The following KIRREL1 variants were observed in gnomAD, a reference collection of about 807,000 sequenced individuals.
The protein encoded by KIRREL1 is kirre like nephrin family adhesion molecule 1.
KIRREL1 carries 25 observed loss-of-function variants against 83.3 expected under a neutral mutation model. The observed-to-expected ratio is 0.30, with a 90% CI of 0.22 to 0.42. KIRREL1 has a LOEUF of 0.42. Ranked by LOEUF, KIRREL1 falls within the 10% of genes least tolerant of loss-of-function variation. The pLI is 1.00. For synonymous variants in KIRREL1, 388 were observed against 410.4 expected (o/e 0.95, Z 0.66); for missense variants, 812 against 1,032.3 (o/e 0.79, Z 2.92).
chr1:158,016,842 T>C (rs1036642064), intron 1 of KIRREL1, among the ~76,000 whole-genome samples: 1 of 152,178 alleles, frequency 6.6e-6, no homozygotes, highest in African/African-American at 2.4e-5. Context: ...GGAAAGACAA[T>C]AGGGTAAGAC....
chr1:158,019,061 C>T (rs1166117623), intron 1 of KIRREL1, among the ~76,000 whole-genome samples: 2 of 152,166 alleles, frequency 1.3e-5, no homozygotes, highest in Non-Finnish European at 2.9e-5. Flanking sequence ...AGAGCCTCCA[C>T]TCTGCCCTCT....
chr1:158,079,463 G>A (rs866871438), intron 3 of KIRREL1, among the ~76,000 whole-genome samples: 1 of 152,184 alleles, frequency 6.6e-6, no homozygotes, highest in Non-Finnish European at 1.5e-5. Context: ...GAGATTACAG[G>A]TGCCCGCCAC....
rs537340499 is a variant in KIRREL1 at position 158,096,106 on chromosome 1, C to G, written c.*986C>G. ...GGGAAGAAAAGCTGTAGGGATTCCC[C>G]CACCCAAATACAAGTCCCAGTGGAA... On this transcript the variant is annotated 3_prime_UTR_variant, in exon 15 of 15. Transcript: ENST00000359209. 3 of 155,912 alleles carry G rather than the reference C, an allele frequency of 1.9e-5. No individual in the cohort carries two copies. Among genetic ancestry groups the G allele is most frequent in the Non-Finnish European group, 2.8e-5 (2 of 70,368 alleles). The allele number at this position is 155,912 out of a possible 1,614,324, so 9.7% of individuals were successfully genotyped here. A position where few individuals can be genotyped will look rare whatever the true frequency, so the allele number is the denominator to read the frequency against.
intron 1 of KIRREL1, among the ~76,000 whole-genome samples, chr1:157,996,821 T>C (rs1230157913): frequency 9.2e-5 from 14 of 152,164 alleles, no homozygotes; most frequent in Admixed American, 9.2e-4. Flanking sequence ...TGCCTTCTAC[T>C]CACTTAGACC....
At chr1:158,060,828 G>A (rs1661196502) in intron 1 of KIRREL1, among the ~76,000 whole-genome samples, 1 of 152,186 alleles carries the variant, frequency 6.6e-6, no homozygotes, top group Admixed American at 6.5e-5. Context: ...ATTCCAGGGT[G>A]AAACAGCATG....
rs750930254 is a variant in KIRREL1 at position 158,034,458 on chromosome 1, G to A, written c.52+40730G>A. Among the ~76,000 whole-genome samples the A allele has an allele frequency of 4.9e-4, 75 of 152,054 alleles. 1 individual carries two copies. The highest frequency in any genetic ancestry group is 5.2e-4 in the Admixed American group (8 of 15,262). On this transcript the variant is annotated intron_variant, in intron 1 of 14. Coordinates refer to ENST00000359209, the MANE Select transcript of KIRREL1 (RefSeq NM_018240.7). ...ATAGGATTCTGAGCATGACCAAAAT[G>A]GAAGGGTGTTGTTTTCTAGTCTCTG...
intron 1 of KIRREL1, among the ~76,000 whole-genome samples, chr1:158,035,222 T>C (rs1206363594): frequency 6.6e-6 from 1 of 152,202 alleles, no homozygotes; most frequent in Admixed American, 6.5e-5. Context: ...TTCTTTTATC[T>C]TTTGGAAGGA....
chr1:158,072,781 T>TATG (rs919201739), intron 1 of KIRREL1, among the ~76,000 whole-genome samples: 25 of 151,858 alleles, frequency 1.6e-4, no homozygotes, highest in Admixed American at 3.9e-4. Context: ...AGTTCTGACA[T>TATG]GTGGTGGCGA....
chr1:158,057,073 G>A (rs1342214302), intron 1 of KIRREL1, among the ~76,000 whole-genome samples: 2 of 152,122 alleles, frequency 1.3e-5, no homozygotes, highest in Admixed American at 1.3e-4. Context: ...CTAATGAAGT[G>A]CCTGTTGTGT....
intron 1 of KIRREL1, among the ~76,000 whole-genome samples, chr1:158,039,049 T>C (rs1304558371): frequency 1.3e-5 from 2 of 152,182 alleles, no homozygotes; most frequent in Non-Finnish European, 2.9e-5. Flanking sequence ...GCTGACCACA[T>C]GCTGGGCACG....
intron 1 of KIRREL1, among the ~76,000 whole-genome samples, chr1:158,001,160 A>C (rs547953673): frequency 6.6e-6 from 1 of 152,288 alleles, no homozygotes; most frequent in South Asian, 2.1e-4. Context: ...AGTCTGAGGA[A>C]TATATCTTCA....
At position 158,094,207 on chromosome 1, in the gene KIRREL1, A is replaced by G; in HGVS notation, c.1720-106A>G. 1.1e-6 allele frequency: 1 copy of G among 946,866 alleles called. No individual in the cohort carries two copies. The highest frequency in any genetic ancestry group is 1.7e-6 in the Non-Finnish European group (1 of 596,982). The allele number at this position is 946,866 out of a possible 1,614,324, so 58.7% of individuals were successfully genotyped here. A position where few individuals can be genotyped will look rare whatever the true frequency, so the allele number is the denominator to read the frequency against. ...AGAACTCAAGTCTGCCCTTGACCTC[A>G]GACCCCACCCATGAGCAGGTGGCCT... On this transcript the variant is annotated intron_variant, in intron 13 of 14. Transcript: ENST00000359209. This position sits in a 1 kb window ranked among gnomAD's most constrained non-coding sequence, Gnocchi z 4.6.
chr1:158,012,239 G>A (rs1659709438), intron 1 of KIRREL1, among the ~76,000 whole-genome samples: 1 of 152,110 alleles, frequency 6.6e-6, no homozygotes, highest in South Asian at 2.1e-4. Context: ...TGGGGCCTTG[G>A]TTTATTCAGT....
intron 1 of KIRREL1, among the ~76,000 whole-genome samples, chr1:158,012,126 G>C (rs191189204): frequency 1.3e-5 from 2 of 152,108 alleles, no homozygotes; most frequent in Non-Finnish European, 2.9e-5. Flanking sequence ...TAGAGCTTGA[G>C]GGTAGATTAG....
intron 1 of KIRREL1, among the ~76,000 whole-genome samples, chr1:158,052,793 AAGAG>A (rs559715620): frequency 1.3e-5 from 2 of 152,126 alleles, no homozygotes; most frequent in South Asian, 4.1e-4. Context: ...TTCAAAAAAA[AAGAG>A]AGAGAGATTT....
intron 1 of KIRREL1, among the ~76,000 whole-genome samples, chr1:158,060,888 G>A (rs994498466): frequency 7.9e-5 from 12 of 152,126 alleles, no homozygotes; most frequent in Non-Finnish European, 1.5e-4. Flanking sequence ...TTAGGGGGTG[G>A]CTGGATGAAA....
At position 158,007,300 on chromosome 1, in the gene KIRREL1, G is replaced by A. The variant is rs188654956; in HGVS notation, c.52+13572G>A. 2.9e-3 allele frequency among the ~76,000 whole-genome samples: 442 copies of A among 152,286 alleles called. 1 individual carries two copies. Among genetic ancestry groups the A allele is most frequent in the Middle Eastern group, 0.027 (8 of 294 alleles). ...TGGAGCTGGGTCATCAGCGAGGGACGTTTCCTCAGAAGGGGTGGAGGGAAG... is the reference window on the plus strand; with the variant it reads ...TGGAGCTGGGTCATCAGCGAGGGACATTTCCTCAGAAGGGGTGGAGGGAAG... On this transcript the variant is annotated intron_variant, in intron 1 of 14. Transcript: ENST00000359209.
At chr1:158,007,189 G>A (rs1358534942) in intron 1 of KIRREL1, among the ~76,000 whole-genome samples, 1 of 152,202 alleles carries the variant, frequency 6.6e-6, no homozygotes, top group Non-Finnish European at 1.5e-5. Flanking sequence ...CTTCCCCAGT[G>A]TATAAACACC....
At chr1:158,028,159 C>G (rs1660224616) in intron 1 of KIRREL1, among the ~76,000 whole-genome samples, 1 of 152,198 alleles carries the variant, frequency 6.6e-6, no homozygotes, top group Non-Finnish European at 1.5e-5. Context: ...CCGTCTCTCT[C>G]CACAACTAAC....
Sources: allele counts gnomAD v4.1 joint callset (sites outside exome capture counted in the v4.1 genomes callset), GRCh38; gene constraint gnomAD v4.1.1; non-coding constraint Gnocchi (gnomAD v3.1); transcripts MANE v1.5; gene names NCBI Gene and HGNC (gene_info 2026-07-23, HGNC 2026-07-21).